WWOX: variants seen among roughly 807,000 people sequenced by gnomAD.
WWOX encodes WW domain-containing oxidoreductase.
WWOX carries 69 observed loss-of-function variants against 46.2 expected under a neutral mutation model. The ratio of observed to expected loss-of-function variants is 1.49; its 90% CI spans 1.23 to 1.82. WWOX has a LOEUF of 1.82. WWOX is among the 40% of genes most tolerant of loss of function. WWOX has a pLI of 0.00. For synonymous variants in WWOX, 359 were observed against 202.6 expected, an observed-to-expected ratio of 1.77 and a Z score of -6.56; for missense variants, 919 against 542.6, an observed-to-expected ratio of 1.69 and a Z score of -6.89.
chr16:79,143,650 G>C (rs1262557883), intron 8 of WWOX, among the ~76,000 whole-genome samples: 1 of 152,108 alleles, frequency 6.6e-6, no homozygotes, highest in Admixed American at 6.6e-5. Flanking sequence ...AATATGTATA[G>C]AGTGCCCATT....
At chr16:78,456,958 G>A (rs2083833548) in intron 8 of WWOX, among the ~76,000 whole-genome samples, 1 of 152,220 alleles carries the variant, frequency 6.6e-6, no homozygotes, top group Non-Finnish European at 1.5e-5. Context: ...GAGGGAAGAT[G>A]CACATCCCCT....
intron 8 of WWOX, among the ~76,000 whole-genome samples, chr16:79,014,603 T>C (rs1035409697): frequency 6.6e-6 from 1 of 152,176 alleles, no homozygotes; most frequent in Non-Finnish European, 1.5e-5. Context: ...AGCCACTGCT[T>C]TTTGAGCAGC....
chr16:79,039,486 C>G (rs1428130748), intron 8 of WWOX, among the ~76,000 whole-genome samples: 2 of 152,118 alleles, frequency 1.3e-5, no homozygotes, highest in South Asian at 2.1e-4. Flanking sequence ...ACGCATTTGC[C>G]CATCGTAAAG....
At chr16:78,848,264 G>A (rs980843301) in intron 8 of WWOX, among the ~76,000 whole-genome samples, 2 of 152,196 alleles carry the variant, frequency 1.3e-5, no homozygotes, top group African/African-American at 2.4e-5. Flanking sequence ...CTCCCAATCA[G>A]TGCTGCTTTT....
At chr16:78,441,884 A>G (rs897047756) in intron 8 of WWOX, among the ~76,000 whole-genome samples, 5 of 151,844 alleles carry the variant, frequency 3.3e-5, no homozygotes, top group Non-Finnish European at 5.9e-5. Flanking sequence ...AATAACCATT[A>G]TTGCTGTCAT....
chr16:79,048,957 C>T (rs904477276), intron 8 of WWOX, among the ~76,000 whole-genome samples: 1 of 152,166 alleles, frequency 6.6e-6, no homozygotes, highest in African/African-American at 2.4e-5. Context: ...CAGGTGTCCA[C>T]TGGAGTCATG....
At chr16:78,150,148 T>G (rs1438922421) in intron 4 of WWOX, among the ~76,000 whole-genome samples, 1 of 152,196 alleles carries the variant, frequency 6.6e-6, no homozygotes, top group East Asian at 1.9e-4. Context: ...GACCATCTCC[T>G]CAGGCTTGAT....
At chr16:78,368,664 C>T (rs1249793673) in intron 5 of WWOX, among the ~76,000 whole-genome samples, 4 of 152,172 alleles carry the variant, frequency 2.6e-5, no homozygotes. Context: ...TTCTAATGGA[C>T]ATTTGTAAGG....
At chr16:79,167,358 A>G (rs980394774) in intron 8 of WWOX, among the ~76,000 whole-genome samples, 6 of 152,190 alleles carry the variant, frequency 3.9e-5, no homozygotes, top group Non-Finnish European at 8.8e-5. Flanking sequence ...TGTGATTATT[A>G]TATTATTCTT....
intron 5 of WWOX, among the ~76,000 whole-genome samples, chr16:78,259,583 G>A (rs563355129): frequency 1.1e-4 from 17 of 151,700 alleles, no homozygotes; most frequent in Admixed American, 2.6e-4. Flanking sequence ...TTCCCAAAGT[G>A]CTGGGATTAC....
At chr16:79,104,252 A>G (rs1475824366) in intron 8 of WWOX, among the ~76,000 whole-genome samples, 1 of 152,150 alleles carries the variant, frequency 6.6e-6, no homozygotes, top group African/African-American at 2.4e-5. Context: ...CCTGTGTCTT[A>G]TTTTGGTCTG....
intron 5 of WWOX, among the ~76,000 whole-genome samples, chr16:78,376,151 C>A (rs2081820043): frequency 1.3e-5 from 2 of 152,220 alleles, no homozygotes; most frequent in East Asian, 1.9e-4. Flanking sequence ...CGCCCAGCCG[C>A]TTCTCGTAGA....
Position 78,702,044 on chromosome 16 carries a change from T to TATATATATATAA in WWOX, c.1056+269293_1056+269294insTATATATATAAA, listed in dbSNP as rs1419045896. On this transcript the variant is annotated intron_variant, in intron 8 of 8. Coordinates refer to ENST00000566780, the MANE Select transcript of WWOX (RefSeq NM_016373.4). ...ATATATATATATATATATATATATA[T>TATATATATATAA]AAAATAATGCAGAAGTTTTATATAT... Among the ~76,000 whole-genome samples the TATATATATATAA allele has an allele frequency of 2.4e-4, 26 of 109,978 alleles. 1 individual carries two copies. The highest frequency in any genetic ancestry group is 8.4e-4 in the African/African-American group (22 of 26,074). The allele number at this position is 109,978 out of a possible 152,430, so 72.1% of individuals were successfully genotyped here.
chr16:78,691,981 C>A (rs546270628), intron 8 of WWOX, among the ~76,000 whole-genome samples: 1 of 152,104 alleles, frequency 6.6e-6, no homozygotes, highest in African/African-American at 2.4e-5. Context: ...CAGGAGTTTC[C>A]GCTTTTGCTT....
At chr16:78,730,885 G>C (rs989577892) in intron 8 of WWOX, among the ~76,000 whole-genome samples, 1 of 152,094 alleles carries the variant, frequency 6.6e-6, no homozygotes, top group South Asian at 2.1e-4. Context: ...GCAGCCACAG[G>C]AGATGCAGAA....
At chr16:78,835,584 A>G (rs1438483025) in intron 8 of WWOX, among the ~76,000 whole-genome samples, 2 of 152,214 alleles carry the variant, frequency 1.3e-5, no homozygotes, top group Admixed American at 6.5e-5. Context: ...ATCAGACCTT[A>G]TAGCAGTCCT....
chr16:78,359,543 G>T (rs537890465), intron 5 of WWOX, among the ~76,000 whole-genome samples: 1 of 152,046 alleles, frequency 6.6e-6, no homozygotes, highest in Non-Finnish European at 1.5e-5. Flanking sequence ...AAGATAAAAA[G>T]ACTTAAAATG....
intron 6 of WWOX, among the ~76,000 whole-genome samples, chr16:78,409,362 G>A (rs1345337138): frequency 1.3e-5 from 2 of 152,112 alleles, no homozygotes; most frequent in Admixed American, 1.3e-4. Context: ...GTGCCTTACT[G>A]TAGTCATACC....
intron 8 of WWOX, among the ~76,000 whole-genome samples, chr16:78,577,329 A>G (rs1046232951): frequency 6.6e-6 from 1 of 152,126 alleles, no homozygotes; most frequent in Non-Finnish European, 1.5e-5. Context: ...TATGTTTAAA[A>G]CCTTGTTCAG....
Sources: allele counts gnomAD v4.1 joint callset (sites outside exome capture counted in the v4.1 genomes callset), GRCh38; gene constraint gnomAD v4.1.1; transcripts MANE v1.5; gene names NCBI Gene and HGNC (gene_info 2026-07-23, HGNC 2026-07-21).